Variants in STXBP4 observed in about 807,000 individuals in gnomAD.
STXBP4 encodes the protein syntaxin binding protein 4, also known as syntaxin-binding protein 4.
STXBP4 carries 55 observed loss-of-function variants against 76.1 expected under a neutral mutation model. That is an observed-to-expected ratio of 0.72 (90% CI 0.58 to 0.91). STXBP4 has a LOEUF of 0.91. Ranked by LOEUF, STXBP4 falls within the 40% of genes least tolerant of loss-of-function variation. STXBP4 has a pLI of 0.00. For synonymous variants in STXBP4, 201 were observed against 220.2 expected (o/e 0.91, Z 0.77); for missense variants, 618 against 636.9 (o/e 0.97, Z 0.32).
intron 17 of STXBP4, among the ~76,000 whole-genome samples, chr17:55,143,657 A>G (rs1042012594): frequency 6.6e-6 from 1 of 152,190 alleles, no homozygotes; most frequent in African/African-American, 2.4e-5. Flanking sequence ...AAAGGGAGTC[A>G]ATAAGCCCTT....
chr17:55,160,939 G>C lies in STXBP4; in HGVS notation c.*1028G>C, dbSNP rs1267682101. 1 of 152,174 alleles carries C rather than the reference G, an allele frequency of 6.6e-6. No individual in the cohort carries two copies. The highest frequency in any genetic ancestry group is 1.5e-5 in the Non-Finnish European group (1 of 68,050). The allele number at this position is 152,174 out of a possible 1,614,324, so 9.4% of individuals were successfully genotyped here. A position where few individuals can be genotyped will look rare whatever the true frequency, so the allele number is the denominator to read the frequency against. On this transcript the variant is annotated 3_prime_UTR_variant, in exon 18 of 18. Coordinates refer to ENST00000376352, the MANE Select transcript of STXBP4 (RefSeq NM_178509.6). ...GTTGCCCTTCCCAGAGGGATGGTTTGAGGGGAGCTGATGAGAAGAGAGGTA... is the reference window on the plus strand; with the variant it reads ...GTTGCCCTTCCCAGAGGGATGGTTTCAGGGGAGCTGATGAGAAGAGAGGTA...
chr17:55,030,731 C>A (rs1427594944), intron 8 of STXBP4: 4 of 153,056 alleles, frequency 2.6e-5, no homozygotes, highest in Non-Finnish European at 5.8e-5. Flanking sequence ...CCCTAACAAG[C>A]CAAAAATTAG....
At chr17:55,020,032 C>T (rs1474913368) in intron 8 of STXBP4, among the ~76,000 whole-genome samples, 3 of 152,126 alleles carry the variant, frequency 2.0e-5, no homozygotes, top group Non-Finnish European at 2.9e-5. Context: ...TTTCAGGCTT[C>T]GTAAATCTGA....
the STXBP4 span, among the ~76,000 whole-genome samples, chr17:55,180,714 A>G: frequency 6.6e-6 from 1 of 152,148 alleles, no homozygotes; most frequent in Non-Finnish European, 1.5e-5. Context: ...ACACCTCACT[A>G]TTACCAGTGT....
the STXBP4 span, among the ~76,000 whole-genome samples, chr17:55,205,405 G>A: frequency 6.6e-6 from 1 of 152,062 alleles, no homozygotes; most frequent in Non-Finnish European, 1.5e-5. Flanking sequence ...CCTTTCGTAG[G>A]TTAGCACACA....
At chr17:55,104,469 A>G (rs908450235) in intron 16 of STXBP4, among the ~76,000 whole-genome samples, 5 of 152,188 alleles carry the variant, frequency 3.3e-5, no homozygotes, top group Non-Finnish European at 7.3e-5. Context: ...CATCCCAGGG[A>G]TGAAGCTGAC....
At chr17:55,089,033 C>T (rs1030123784) in intron 16 of STXBP4, among the ~76,000 whole-genome samples, 2 of 152,216 alleles carry the variant, frequency 1.3e-5, no homozygotes, top group African/African-American at 4.8e-5. Flanking sequence ...CCCAATTGTT[C>T]ATCCAATTTC....
chr17:55,118,882 A>G (rs1467801291), intron 16 of STXBP4, among the ~76,000 whole-genome samples: 1 of 151,114 alleles, frequency 6.6e-6, no homozygotes, highest in African/African-American at 2.4e-5. Flanking sequence ...AAAAGACTCC[A>G]TCACCATTAG....
chr17:55,182,140 C>T, the STXBP4 span, among the ~76,000 whole-genome samples: 1 of 137,418 alleles, frequency 7.3e-6, no homozygotes, highest in African/African-American at 2.7e-5. Context: ...AAACCAAGCA[C>T]ATGAGAAGAC....
At chr17:55,190,632 A>G in the STXBP4 span, among the ~76,000 whole-genome samples, 1 of 152,104 alleles carries the variant, frequency 6.6e-6, no homozygotes, top group African/African-American at 2.4e-5. Flanking sequence ...TTTTGAAAAC[A>G]AAGGAAGGAA....
At chr17:54,969,605 G>A (rs2077356854) in intron 1 of STXBP4, among the ~76,000 whole-genome samples, 3 of 152,244 alleles carry the variant, frequency 2.0e-5, no homozygotes, top group Middle Eastern at 3.4e-3. Flanking sequence ...GATGACTGAG[G>A]CATAGTAAGA....
intron 8 of STXBP4, among the ~76,000 whole-genome samples, chr17:55,019,488 T>A (rs1364843048): frequency 6.6e-6 from 1 of 152,152 alleles, no homozygotes; most frequent in Non-Finnish European, 1.5e-5. Flanking sequence ...ATATTTTAGT[T>A]TTGGCGTATC....
At chr17:55,118,678 C>T (rs2145081579) in intron 16 of STXBP4, among the ~76,000 whole-genome samples, 1 of 151,784 alleles carries the variant, frequency 6.6e-6, no homozygotes, top group Non-Finnish European at 1.5e-5. Flanking sequence ...GGATCCAAGA[C>T]TTAACACTAG....
At chr17:55,208,963 T>A in the STXBP4 span, among the ~76,000 whole-genome samples, 9 of 150,828 alleles carry the variant, frequency 6.0e-5, no homozygotes, top group Admixed American at 5.9e-4. Flanking sequence ...GCACCTGTAA[T>A]CCCAGTTACT....
intron 8 of STXBP4, among the ~76,000 whole-genome samples, chr17:55,028,686 T>C (rs1386854318): frequency 6.6e-6 from 1 of 152,190 alleles, no homozygotes; most frequent in African/African-American, 2.4e-5. Context: ...AAACATATTT[T>C]AAATAATTTG....
At chr17:55,192,294 A>G in the STXBP4 span, among the ~76,000 whole-genome samples, 3 of 152,182 alleles carry the variant, frequency 2.0e-5, no homozygotes, top group East Asian at 1.9e-4. Flanking sequence ...AAATAAACTC[A>G]CAGGTATCCT....
the STXBP4 span, among the ~76,000 whole-genome samples, chr17:55,181,899 A>G: frequency 1.3e-5 from 2 of 152,310 alleles, no homozygotes; most frequent in African/African-American, 4.8e-5. Context: ...CCAAAGGGGT[A>G]CTGATAAATC....
the STXBP4 span, among the ~76,000 whole-genome samples, chr17:55,179,298 T>C: frequency 1.3e-5 from 2 of 152,160 alleles, no homozygotes; most frequent in East Asian, 1.9e-4. Flanking sequence ...ATGTCTCATA[T>C]TGATTCCTAG....
In STXBP4 at chr17:55,160,975, C is replaced by T. The variant is rs2080331700; in HGVS notation, c.*1064C>T. 1 of 152,196 alleles carries T rather than the reference C, an allele frequency of 6.6e-6. No individual in the cohort carries two copies. Among genetic ancestry groups the T allele is most frequent in the Admixed American group, 6.5e-5 (1 of 15,282 alleles). 9.4% of individuals were successfully genotyped at this position (152,196 alleles called of 1,614,324 possible). On this transcript the variant is annotated 3_prime_UTR_variant, in exon 18 of 18. Coordinates refer to ENST00000376352, the MANE Select transcript of STXBP4 (RefSeq NM_178509.6). ...ATGAGAAGAGAGGTATCTGTTAAAACATTACTGCTCTACTCGAAACAAGAT... is the reference window on the plus strand; with the variant it reads ...ATGAGAAGAGAGGTATCTGTTAAAATATTACTGCTCTACTCGAAACAAGAT...
Sources: gnomAD v4.1 joint callset for allele counts (sites outside exome capture counted in the v4.1 genomes callset) on GRCh38, gnomAD v4.1.1 for gene constraint, MANE v1.5 for transcripts, NCBI Gene and HGNC (gene_info 2026-07-23, HGNC 2026-07-21) for gene names.